Variants in CUL9 observed in about 807,000 individuals in gnomAD.
CUL9 encodes cullin-9.
A neutral mutation model predicts 272.6 loss-of-function variants in CUL9; 79 were observed. The observed-to-expected ratio is 0.29, with a 90% CI of 0.24 to 0.35. The LOEUF (loss-of-function observed/expected upper bound fraction) is 0.35. Ranked by LOEUF, CUL9 falls within the 10% of genes least tolerant of loss-of-function variation. CUL9 has a pLI of 1.00. For missense variants in CUL9, 2,532 were observed against 3,255.6 expected, an observed-to-expected ratio of 0.78 and a Z score of 5.41; for synonymous variants, 1,186 against 1,286.5, an observed-to-expected ratio of 0.92 and a Z score of 1.67.
At chr6:43,207,181 G>T (rs1237548198) in intron 26 of CUL9, among the ~76,000 whole-genome samples, 1 of 152,070 alleles carries the variant, frequency 6.6e-6, no homozygotes, top group Non-Finnish European at 1.5e-5. Context: ...TAATTATAAG[G>T]CTTCATGAAT....
intron 29 of CUL9, among the ~76,000 whole-genome samples, chr6:43,214,598 C>T (rs186225866): frequency 3.2e-4 from 49 of 151,798 alleles, no homozygotes; most frequent in South Asian, 1.0e-3. Flanking sequence ...GTCAGGAATT[C>T]GTGACCAGCC....
intron 11 of CUL9, among the ~76,000 whole-genome samples, chr6:43,197,882 T>C (rs1774160413): frequency 6.6e-6 from 1 of 152,232 alleles, no homozygotes; most frequent in African/African-American, 2.4e-5. Context: ...ATATTGATAC[T>C]GGGGAAGAAA....
Position 43,206,596 on chromosome 6 carries a change from A to G in CUL9, c.5212+86A>G. 8.0e-7 allele frequency: 1 copy of G among 1,246,494 alleles called. No individual in the cohort carries two copies. The highest frequency in any genetic ancestry group is 1.1e-6 in the Non-Finnish European group (1 of 874,198). The allele number at this position is 1,246,494 out of a possible 1,614,324, so 77.2% of individuals were successfully genotyped here. Reference sequence around the variant, plus strand: ...AGAGGAGAGGACCTTTGGACAGGATATAGATGTGAAGAAAAATATCAGCTC... The same window carrying G: ...AGAGGAGAGGACCTTTGGACAGGATGTAGATGTGAAGAAAAATATCAGCTC... On this transcript the variant is annotated intron_variant, in intron 26 of 40. Coordinates refer to ENST00000252050, the MANE Select transcript of CUL9 (RefSeq NM_015089.4). This position sits in a 1 kb window ranked among gnomAD's most constrained non-coding sequence, Gnocchi z 4.8.
At position 43,223,339 on chromosome 6, in the gene CUL9, T is replaced by C. The variant is rs1776531413; in HGVS notation, c.7226T>C (p.Met2409Thr). ...LLRADCLSTGMELLRRIQERL... is the reference protein window; with the variant it reads ...LLRADCLSTGTELLRRIQERL... The stretch of plus-strand genomic sequence containing the variant: ...CGGGCCGACTGCCTCAGCACGGGCA[T>C]GGAGCTGCTCCGGCGGATCCAGGAG... The change falls in exon 39 of 41, where the codon ATG (methionine) becomes ACG (threonine). Residue 2409 changes from methionine (M) to threonine (T), a missense_variant. Met to Thr is a moderately conservative substitution (Grantham distance 81, BLOSUM62 -1). This residue lies in a region of CUL9 where 237 missense variants were observed against 305.9 expected (regional missense o/e 0.77). Transcript: ENST00000252050. This position sits in a 1 kb window ranked among gnomAD's most constrained non-coding sequence, Gnocchi z 4.1. 1 of 1,602,798 alleles carries C rather than the reference T, an allele frequency of 6.2e-7. No homozygotes were observed. The highest frequency in any genetic ancestry group is 8.5e-7 in the Non-Finnish European group (1 of 1,174,690).
rs1307204850 is a variant in CUL9 at position 43,205,329 on chromosome 6, G to A, written c.4699G>A (p.Gly1567Arg). Reference sequence around the variant, plus strand: ...GGGTGGCCTGATTGGTGGAGCCCCTGGAGTGGAAATGCTGGGGCAGCTTCA... The same window carrying A: ...GGGTGGCCTGATTGGTGGAGCCCCTAGAGTGGAAATGCTGGGGCAGCTTCA... ...IQGGLIGGAP[G>R]VEMLGQLQRH... is the part of the protein sequence containing the mutation. The change falls in exon 24 of 41, where the codon GGA becomes AGA. Residue 1567 changes from glycine to arginine, a missense_variant. Transcript: ENST00000252050. The A allele has an allele frequency of 1.2e-6, 2 of 1,614,192 alleles. No individual in the cohort carries two copies. Among genetic ancestry groups the A allele is most frequent in the Admixed American group, 3.3e-5 (2 of 60,016 alleles).
Position 43,200,272 on chromosome 6 carries a change from G to A in CUL9, c.3384+116G>A. ...TGGCACAGGTTGTAGCAAATCTGGG[G>A]CACTTGTTTCCTAACCTTGACTCCA... is the stretch of plus-strand genomic sequence containing the variant. On this transcript the variant is annotated intron_variant, in intron 14 of 40. Transcript: ENST00000252050. The surrounding 1 kb of genome is among the most constrained non-coding windows in gnomAD (Gnocchi z 4.0). The A allele has an allele frequency of 6.9e-7, 1 of 1,446,308 alleles. No homozygotes were observed. The allele number at this position is 1,446,308 out of a possible 1,614,324, so 89.6% of individuals were successfully genotyped here.
In CUL9 at chr6:43,185,544, G is replaced by A; in HGVS notation, c.684G>A (p.Glu228=). The A allele has an allele frequency of 6.2e-7, 1 of 1,613,958 alleles. No homozygotes were observed. The highest frequency in any genetic ancestry group is 8.5e-7 in the Non-Finnish European group (1 of 1,180,046). ...MDFDSRYTLL[E]LFAETTSSEE... ...TTGACAGTCGCTATACATTGCTGGA[G>A]CTGTTTGCAGAAACCACATCCTCTG... is the stretch of plus-strand genomic sequence containing the variant. Residue 228 remains glutamate, a synonymous_variant, in exon 3 of 41, where the codon GAG becomes GAA. Coordinates refer to ENST00000252050, the MANE Select transcript of CUL9 (RefSeq NM_015089.4).
Position 43,184,538 on chromosome 6 carries a change from C to T in CUL9, c.228C>T (p.Cys76=), listed in dbSNP as rs759596873. 214 of 1,612,910 alleles carry T rather than the reference C, an allele frequency of 1.3e-4. No homozygotes were observed. Among genetic ancestry groups the T allele is most frequent in the Non-Finnish European group, 1.8e-4 (210 of 1,179,202 alleles). The change falls in exon 2 of 41, where the codon TGC becomes TGT. Residue 76 remains cysteine (C), a synonymous_variant. Transcript: ENST00000252050. The surrounding 1 kb of genome is among the most constrained non-coding windows in gnomAD (Gnocchi z 4.8). ...WLSAPEVYAN[C]PGLLGERALS... ...CGGCTCCTGAGGTCTACGCCAACTG[C>T]CCTGGGCTGTTAGGTGAGCGGGCAC...
At position 43,205,009 on chromosome 6, in the gene CUL9, A is replaced by G; in HGVS notation, c.4526A>G (p.Gln1509Arg). ...PRYCKLYEHL[Q>R]RAGSELFGPR... ...TACTGTAAACTCTATGAGCACTTGC[A>G]GAGAGCAGGCTCCGAGCTGTTTGGG... Residue 1509 changes from glutamine (Q) to arginine (R), a missense_variant, in exon 23 of 41, where the codon CAG becomes CGG. Coordinates refer to ENST00000252050, the MANE Select transcript of CUL9 (RefSeq NM_015089.4). 6.2e-7 allele frequency: 1 copy of G among 1,613,542 alleles called. No homozygotes were observed. Among genetic ancestry groups the G allele is most frequent in the East Asian group, 2.2e-5 (1 of 44,880 alleles).
At position 43,196,020 on chromosome 6, in the gene CUL9, C is replaced by T. The variant is rs116786078; in HGVS notation, c.2389-49C>T. ...GTCTAGAATGAGGCCTACCTTTCCT[C>T]ATGGTGACTCTGCCCCCTCCTCACT... On this transcript the variant is annotated intron_variant, in intron 9 of 40. Coordinates refer to ENST00000252050, the MANE Select transcript of CUL9 (RefSeq NM_015089.4). The T allele has an allele frequency of 4.7e-5, 72 of 1,529,956 alleles. No homozygotes were observed. In the African/African-American group the frequency reaches 8.6e-4, roughly 18 times the overall value. 94.8% of individuals were successfully genotyped at this position (1,529,956 alleles called of 1,614,324 possible).
chr6:43,202,904 G>A, intron 17 of CUL9, 83 bp downstream of exon 17: 1 of 1,399,672 alleles, frequency 7.1e-7, no homozygotes, highest in Non-Finnish European at 1.0e-6. Flanking sequence ...TAGTCCCTGG[G>A]GAATGGTGAC....
intron 8 of CUL9, among the ~76,000 whole-genome samples, chr6:43,191,901 T>C (rs1351247465): frequency 4.0e-5 from 6 of 151,286 alleles, no homozygotes; most frequent in Non-Finnish European, 8.9e-5. Context: ...ATATTTTAAA[T>C]GGTTCTTCCT....
At chr6:43,182,830 C>T (rs1772536876) in intron 1 of CUL9, among the ~76,000 whole-genome samples, 2 of 152,198 alleles carry the variant, frequency 1.3e-5, no homozygotes, top group African/African-American at 4.8e-5. Flanking sequence ...TCACTATTCC[C>T]TGTTGCCCCT....
chr6:43,222,482 G>A (rs1242197353), intron 36 of CUL9, 49 bp from the exon 37 acceptor site: 23 of 1,608,404 alleles, frequency 1.4e-5, no homozygotes, highest in Non-Finnish European at 2.0e-5. Flanking sequence ...GACCGGGCAG[G>A]TGGTGCTGCG....
In CUL9 at chr6:43,206,209, G is replaced by A. The variant is rs759376276; in HGVS notation, c.4996G>A (p.Glu1666Lys). 8.7e-6 allele frequency: 14 copies of A among 1,612,072 alleles called. No homozygotes were observed. Among genetic ancestry groups the A allele is most frequent in the Admixed American group, 1.7e-5 (1 of 59,468 alleles). Residue 1666 changes from glutamate (E) to lysine (K), a missense_variant, in exon 25 of 41, where the codon GAG becomes AAG. This residue lies in a region of CUL9 where 2,218 missense variants were observed against 2,788.6 expected (regional missense o/e 0.80). Transcript: ENST00000252050. This position sits in a 1 kb window ranked among gnomAD's most constrained non-coding sequence, Gnocchi z 4.8. Reference sequence around the variant, plus strand: ...GTTGTTCTTGGAGCAGGAAGATGAGGAGGAAAAGAGACTAGAGGAAGAGGA... The same window carrying A: ...GTTGTTCTTGGAGCAGGAAGATGAGAAGGAAAAGAGACTAGAGGAAGAGGA... The part of the protein sequence containing the change: ...DKLFLEQEDE[E>K]EKRLEEEEEE...
Position 43,193,015 on chromosome 6 carries a change from A to G in CUL9, c.2195A>G (p.Lys732Arg). 6.2e-7 allele frequency: 1 copy of G among 1,614,058 alleles called. No individual in the cohort carries two copies. Among genetic ancestry groups the G allele is most frequent in the Admixed American group, 1.7e-5 (1 of 60,014 alleles). ...TCTCTTGTCAGAGAGAAGCTAGTGAAGATGCTGGTGGAGCTGCTGACCAAC... is the reference window on the plus strand; with the variant it reads ...TCTCTTGTCAGAGAGAAGCTAGTGAGGATGCTGGTGGAGCTGCTGACCAAC... ...PDRSLREKLV[K>R]MLVELLTNQV... Residue 732 changes from lysine (K) to arginine (R), a missense_variant, in exon 9 of 41, where the codon AAG becomes AGG. Physicochemically the swap from Lys to Arg is conservative, Grantham distance 26. Transcript: ENST00000252050.
At position 43,203,489 on chromosome 6, in the gene CUL9, G is replaced by C. The variant is rs1774793794; in HGVS notation, c.3922G>C (p.Glu1308Gln). The change falls in exon 19 of 41, where the codon GAG becomes CAG. Residue 1308 changes from glutamate to glutamine, a missense_variant. This residue lies in a region of CUL9 where 2,218 missense variants were observed against 2,788.6 expected (regional missense o/e 0.80). Transcript: ENST00000252050. The surrounding 1 kb of genome is among the most constrained non-coding windows in gnomAD (Gnocchi z 5.0). ...GCCCACATTCTGGCCACTGTTCCGG[G>C]AGCAGCTGTGTCGCCGAACATGTCT... ...PKPTFWPLFR[E>Q]QLCRRTCLFY... The C allele has an allele frequency of 6.2e-7, 1 of 1,614,044 alleles. No individual in the cohort carries two copies. Among genetic ancestry groups the C allele is most frequent in the African/African-American group, 1.3e-5 (1 of 74,902 alleles).
Position 43,200,247 on chromosome 6 carries a change from T to G in CUL9, c.3384+91T>G. On this transcript the variant is annotated intron_variant, in intron 14 of 40. Transcript: ENST00000252050. This position sits in a 1 kb window ranked among gnomAD's most constrained non-coding sequence, Gnocchi z 4.0. ...TGTGTTCCTCTTTGGTATCCCTGTT[T>G]GGCACAGGTTGTAGCAAATCTGGGG... is the stretch of plus-strand genomic sequence containing the variant. 6.9e-7 allele frequency: 1 copy of G among 1,451,498 alleles called. No individual in the cohort carries two copies. The highest frequency in any genetic ancestry group is 9.5e-7 in the Non-Finnish European group (1 of 1,054,574). 89.9% of individuals were successfully genotyped at this position (1,451,498 alleles called of 1,614,324 possible). A position where few individuals can be genotyped will look rare whatever the true frequency, so the allele number is the denominator to read the frequency against.
chr6:43,189,136 A>G (rs1353893179), intron 8 of CUL9, among the ~76,000 whole-genome samples: 1 of 128,192 alleles, frequency 7.8e-6, no homozygotes, highest in Non-Finnish European at 1.6e-5. Flanking sequence ...GTCCCTACGT[A>G]CTTTTTTTTT....
Sources: gnomAD v4.1 joint callset for allele counts (sites outside exome capture counted in the v4.1 genomes callset) on GRCh38, gnomAD v4.1.1 for gene constraint, gnomAD v4.1.1 regional missense constraint, Gnocchi (gnomAD v3.1) non-coding constraint, MANE v1.5 for transcripts, NCBI Gene and HGNC (gene_info 2026-07-23, HGNC 2026-07-21) for gene names.